The following ADHFE1 variants were observed in gnomAD, a reference collection of about 807,000 sequenced individuals.
The protein encoded by ADHFE1 is hydroxyacid-oxoacid transhydrogenase, mitochondrial.
A neutral mutation model predicts 54.8 loss-of-function variants in ADHFE1; 37 were observed. The ratio of observed to expected loss-of-function variants is 0.68; its 90% CI spans 0.52 to 0.89. The LOEUF is 0.89. Among genes scored for constraint, ADHFE1 ranks in the 40% least tolerant of loss-of-function variants. The pLI, the probability that ADHFE1 is intolerant of heterozygous loss-of-function variation, is 0.00. For synonymous variants in ADHFE1, 203 were observed against 229.3 expected, an observed-to-expected ratio of 0.89 and a Z score of 1.04; for missense variants, 601 against 591.2, an observed-to-expected ratio of 1.02 and a Z score of -0.17.
chr8:66,444,288 G>T, intron 3 of ADHFE1, 79 bp from the exon 4 acceptor site: 1 of 1,369,276 alleles, frequency 7.3e-7, no homozygotes, highest in Non-Finnish European at 1.0e-6. Context: ...TAGGCAACAA[G>T]AAACCATTTC....
At chr8:66,446,707 C>T (rs1027408122) in intron 6 of ADHFE1, among the ~76,000 whole-genome samples, 1 of 152,200 alleles carries the variant, frequency 6.6e-6, no homozygotes, top group Non-Finnish European at 1.5e-5. Flanking sequence ...AATGCAGACA[C>T]ATACATGCAT....
rs576127388 is a variant in ADHFE1 at position 66,440,260 on chromosome 8, A to G, written c.97+61A>G. ...TGGTTTCTGCATTTGGCATTATAAT[A>G]CATTTGGGTAGTGTATGTAAAGAAA... On this transcript the variant is annotated intron_variant, in intron 2 of 13. Coordinates refer to ENST00000396623, the MANE Select transcript of ADHFE1 (RefSeq NM_144650.3). 15 of 1,503,984 alleles carry G rather than the reference A, an allele frequency of 1.0e-5. No homozygotes were observed. The African/African-American group carries it at 1.8e-4, about 18-fold the overall frequency. The allele number at this position is 1,503,984 out of a possible 1,614,324, so 93.2% of individuals were successfully genotyped here.
intron 13 of ADHFE1, among the ~76,000 whole-genome samples, chr8:66,465,591 G>A (rs1807129969): frequency 6.6e-6 from 1 of 152,034 alleles, no homozygotes; most frequent in South Asian, 2.1e-4. Flanking sequence ...TTGTTGGTGA[G>A]TTGCAAGAAT....
In ADHFE1 at chr8:66,451,983, C is replaced by T. The variant is rs762744163; in HGVS notation, c.765C>T (p.Pro255=). The T allele has an allele frequency of 8.1e-6, 13 of 1,614,212 alleles. No homozygotes were observed. Among genetic ancestry groups the T allele is most frequent in the Non-Finnish European group, 1.1e-5 (13 of 1,180,038 alleles). ...CHALESYTTL[P]YHLRSPCPSN... ...CCCTGGAGTCATACACCACCCTGCC[C>T]TACCACCTGCGGAGCCCCTGCCCTT... Residue 255 remains proline (P), a synonymous_variant, in exon 9 of 14, where the codon CCC becomes CCT. Coordinates refer to ENST00000396623, the MANE Select transcript of ADHFE1 (RefSeq NM_144650.3).
chr8:66,433,082 T>C (rs538713791), intron 1 of ADHFE1, among the ~76,000 whole-genome samples: 1 of 151,824 alleles, frequency 6.6e-6, no homozygotes, highest in East Asian at 1.9e-4. Flanking sequence ...AGTCGCAGAG[T>C]CACACTTCCT....
chr8:66,463,311 G>A (rs1807001590), intron 13 of ADHFE1, among the ~76,000 whole-genome samples: 1 of 152,172 alleles, frequency 6.6e-6, no homozygotes, highest in Admixed American at 6.5e-5. Flanking sequence ...CAATTTCTTA[G>A]TTTTACAAAA....
At chr8:66,459,355 G>C (rs937891845) in intron 12 of ADHFE1, among the ~76,000 whole-genome samples, 1 of 150,504 alleles carries the variant, frequency 6.6e-6, no homozygotes, top group East Asian at 1.9e-4. Context: ...AACCTCCCGC[G>C]TGGCTCTTCC....
chr8:66,453,363 G>A (rs1319923304), intron 9 of ADHFE1, among the ~76,000 whole-genome samples: 3 of 152,146 alleles, frequency 2.0e-5, no homozygotes, highest in Admixed American at 2.0e-4. Flanking sequence ...GAACTCTTAC[G>A]CAAGGCAAAA....
intron 6 of ADHFE1, among the ~76,000 whole-genome samples, chr8:66,445,891 C>G (rs1210377734): frequency 1.3e-5 from 2 of 152,238 alleles, no homozygotes; most frequent in Non-Finnish European, 2.9e-5. Flanking sequence ...GCCCATCATG[C>G]TGGGTGACAT....
At chr8:66,437,236 T>C (rs916345653) in intron 1 of ADHFE1, among the ~76,000 whole-genome samples, 9 of 152,094 alleles carry the variant, frequency 5.9e-5, no homozygotes, top group Admixed American at 6.5e-5. Flanking sequence ...GGCTGATGGA[T>C]AATGTCTAAT....
chr8:66,434,978 C>CAA lies in ADHFE1; in HGVS notation c.59+2416_59+2417dup, dbSNP rs534816704. Among the ~76,000 whole-genome samples, 757 of 140,206 alleles carry CAA rather than the reference C, an allele frequency of 5.4e-3. 7 individuals are homozygous for CAA. Among genetic ancestry groups the CAA allele is most frequent in the African/African-American group, 0.015 (571 of 38,326 alleles). 92.0% of individuals were successfully genotyped at this position (140,206 alleles called of 152,430 possible). On this transcript the variant is annotated intron_variant, in intron 1 of 13. Transcript: ENST00000396623. ...TGGGCTACAGAGCAAGACTGTGTCT[C>CAA]AAAAAAAAAAAAAAGATGTGCAATG...
chr8:66,446,654 T>G (rs1176014317), intron 6 of ADHFE1, among the ~76,000 whole-genome samples: 1 of 124,276 alleles, frequency 8.0e-6, no homozygotes, highest in African/African-American at 3.0e-5. Flanking sequence ...ACGCTCATAT[T>G]TATGCAGAAG....
intron 5 of ADHFE1, 41 bp downstream of exon 5, chr8:66,444,789 G>C (rs1158263349): frequency 1.2e-6 from 2 of 1,608,500 alleles, no homozygotes; most frequent in African/African-American, 2.7e-5. Flanking sequence ...ACTTTAAGCA[G>C]AAGCTAACTG....
intron 1 of ADHFE1, among the ~76,000 whole-genome samples, chr8:66,434,212 C>G (rs766434113): frequency 5.3e-5 from 8 of 152,124 alleles, no homozygotes; most frequent in Non-Finnish European, 1.2e-4. Flanking sequence ...AAACAGTGGG[C>G]TCATTTACCA....
intron 10 of ADHFE1, among the ~76,000 whole-genome samples, chr8:66,455,961 C>CA (rs1491035452): frequency 7.3e-5 from 11 of 151,530 alleles, no homozygotes; most frequent in African/African-American, 2.7e-4. Context: ...ACAACAACAA[C>CA]AAAAAAAACT....
chr8:66,465,257 T>C (rs1236131038), intron 13 of ADHFE1, among the ~76,000 whole-genome samples: 2 of 152,244 alleles, frequency 1.3e-5, no homozygotes, highest in African/African-American at 4.8e-5. Context: ...TTGTATCATA[T>C]AGTAACTCTA....
chr8:66,442,829 A>G lies in ADHFE1; in HGVS notation c.129A>G (p.Thr43=), dbSNP rs758812925. The G allele has an allele frequency of 6.3e-7, 1 of 1,597,668 alleles. No homozygotes were observed. Among genetic ancestry groups the G allele is most frequent in the East Asian group, 2.3e-5 (1 of 43,954 alleles). ...APGLSPSGKT[T]DYAFEMAVSN... ...GACTTTCACCTTCTGGGAAAACAACAGATTATGCCTTTGAGGTATATTCAC... is the reference window on the plus strand; with the variant it reads ...GACTTTCACCTTCTGGGAAAACAACGGATTATGCCTTTGAGGTATATTCAC... Residue 43 remains threonine (T), a synonymous_variant, in exon 3 of 14, where the codon ACA becomes ACG. Coordinates refer to ENST00000396623, the MANE Select transcript of ADHFE1 (RefSeq NM_144650.3).
At chr8:66,453,779 C>T (rs966580190) in intron 9 of ADHFE1, 31 of 1,412,844 alleles carry the variant, frequency 2.2e-5, no homozygotes, top group Non-Finnish European at 2.7e-5. Flanking sequence ...GTGGCCCTCG[C>T]CATCCAGGGA....
intron 7 of ADHFE1, 151 bp downstream of exon 7, chr8:66,447,492 G>T: frequency 1.5e-6 from 1 of 665,054 alleles, no homozygotes; most frequent in Non-Finnish European, 2.5e-6. Context: ...CAGCAACAAA[G>T]TATTGTATAT....
Sources: gnomAD v4.1 joint callset for allele counts (sites outside exome capture counted in the v4.1 genomes callset) on GRCh38, gnomAD v4.1.1 for gene constraint, MANE v1.5 for transcripts, NCBI Gene and HGNC (gene_info 2026-07-23, HGNC 2026-07-21) for gene names.